Variants in ERI3 observed in about 807,000 individuals in gnomAD.
The protein encoded by ERI3 is ERI1 exoribonuclease family member 3.
ERI3 carries 18 observed loss-of-function variants against 44.4 expected under a neutral mutation model. That is an observed-to-expected ratio of 0.41 (90% CI 0.28 to 0.60). ERI3 has a LOEUF of 0.60. Ranked by LOEUF, ERI3 falls within the 20% of genes least tolerant of loss-of-function variation. The pLI is 0.36. For synonymous variants in ERI3, 183 were observed against 164.8 expected (o/e 1.11, Z -0.84); for missense variants, 294 against 435.5 (o/e 0.68, Z 2.89).
intron 6 of ERI3, among the ~76,000 whole-genome samples, chr1:44,305,383 A>G (rs776633164): frequency 6.6e-6 from 1 of 152,174 alleles, no homozygotes; most frequent in African/African-American, 2.4e-5. Flanking sequence ...ACAACACCAA[A>G]CCCTATGGGA....
chr1:44,311,194 A>G (rs1215530958), intron 5 of ERI3, among the ~76,000 whole-genome samples: 1 of 152,108 alleles, frequency 6.6e-6, no homozygotes, highest in Non-Finnish European at 1.5e-5. Context: ...TGAAAGAGAG[A>G]GCAAGACACA....
intron 3 of ERI3, among the ~76,000 whole-genome samples, chr1:44,330,589 T>C (rs569465479): frequency 6.6e-6 from 1 of 152,340 alleles, no homozygotes; most frequent in East Asian, 1.9e-4. Flanking sequence ...TATAAACGCT[T>C]TTCTGCCTGT....
intron 8 of ERI3, among the ~76,000 whole-genome samples, chr1:44,245,648 C>G (rs1229856539): frequency 2.0e-5 from 3 of 152,208 alleles, no homozygotes; most frequent in African/African-American, 7.2e-5. Flanking sequence ...ATAAAGAAAC[C>G]TTCTCTGAAA....
chr1:44,261,983 G>A (rs2154320170), intron 7 of ERI3, among the ~76,000 whole-genome samples: 1 of 152,306 alleles, frequency 6.6e-6, no homozygotes, highest in Non-Finnish European at 1.5e-5. Flanking sequence ...AGTAGAGGGA[G>A]GATCTGCTTG....
intron 8 of ERI3, among the ~76,000 whole-genome samples, chr1:44,231,713 C>T (rs1388117484): frequency 6.6e-6 from 1 of 152,182 alleles, no homozygotes; most frequent in African/African-American, 2.4e-5. Flanking sequence ...CCCACTACCC[C>T]TTCAAGTAAT....
Position 44,221,715 on chromosome 1 carries a change from G to C in ERI3, c.932-75C>G, listed in dbSNP as rs754753787. ...TGCCCACAGGTGCTCTTACAAGGGTGGGGGTGGGAAGCAGGGTCAGATTCA... is the reference window on the plus strand; with the variant it reads ...TGCCCACAGGTGCTCTTACAAGGGTCGGGGTGGGAAGCAGGGTCAGATTCA... On this transcript the variant is annotated intron_variant, in intron 8 of 8. Transcript: ENST00000372257. The surrounding 1 kb of genome is among the most constrained non-coding windows in gnomAD (Gnocchi z 5.9). The C allele has an allele frequency of 8.0e-6, 10 of 1,242,730 alleles. No homozygotes were observed. The highest frequency in any genetic ancestry group is 4.4e-5 in the African/African-American group (3 of 67,422). 77.0% of individuals were successfully genotyped at this position (1,242,730 alleles called of 1,614,324 possible).
At chr1:44,240,646 G>C (rs1644413335) in intron 8 of ERI3, among the ~76,000 whole-genome samples, 1 of 152,204 alleles carries the variant, frequency 6.6e-6, no homozygotes, top group Non-Finnish European at 1.5e-5. Context: ...AATTCAATGA[G>C]AGAACAGATA....
intron 4 of ERI3, among the ~76,000 whole-genome samples, chr1:44,318,433 G>A (rs964179145): frequency 6.6e-6 from 1 of 152,236 alleles, no homozygotes; most frequent in Non-Finnish European, 1.5e-5. Flanking sequence ...AGCGCCCCCT[G>A]GTGGTATAGG....
intron 7 of ERI3, among the ~76,000 whole-genome samples, chr1:44,280,819 G>C (rs1258920035): frequency 6.6e-6 from 1 of 152,166 alleles, no homozygotes; most frequent in Admixed American, 6.5e-5. Flanking sequence ...TCAAAGTGTG[G>C]TCTATAGGCT....
chr1:44,328,993 C>T (rs1470749882), intron 3 of ERI3, among the ~76,000 whole-genome samples: 4 of 152,206 alleles, frequency 2.6e-5, no homozygotes, highest in Admixed American at 6.5e-5. Flanking sequence ...TGTCAGGGAG[C>T]TAGCAAAAAG....
At position 44,314,153 on chromosome 1, in the gene ERI3, TG is replaced by T. The variant is rs5773825; in HGVS notation, c.607-926del. ...GAAACTTCTTTTTTTTAAAGTGTGT[TG>T]GGGGGGGGGAGATTAAACTCCAATT... is the stretch of plus-strand genomic sequence containing the variant. On this transcript the variant is annotated intron_variant, in intron 4 of 8. Transcript: ENST00000372257. Among the ~76,000 whole-genome samples, 455 of 148,188 alleles carry T rather than the reference TG, an allele frequency of 3.1e-3. 4 individuals carry two copies. Among genetic ancestry groups the T allele is most frequent in the African/African-American group, 7.8e-3 (316 of 40,452 alleles).
At chr1:44,352,405 CATAGATAGATAGATAGATAGATAG>C (rs71742610) in intron 2 of ERI3, among the ~76,000 whole-genome samples, 203 of 147,566 alleles carry the variant, frequency 1.4e-3, no homozygotes, top group African/African-American at 2.4e-3. Context: ...AGCAAGGTCT[CATAGATAGATAGATAGATAGATAG>C]ATAGATAGAT....
At chr1:44,243,552 G>A (rs1644489315) in intron 8 of ERI3, 1 of 152,234 alleles carries the variant, frequency 6.6e-6, no homozygotes, top group Non-Finnish European at 1.5e-5. Context: ...GGAGGGCCAG[G>A]CGAGACTCCC....
Position 44,303,201 on chromosome 1 carries a change from C to A in ERI3, c.758+5109G>T, listed in dbSNP as rs562543388. Among the ~76,000 whole-genome samples the A allele has an allele frequency of 3.2e-4, 48 of 152,342 alleles. 1 individual carries two copies. The South Asian group carries it at 7.9e-3, about 25-fold the overall frequency. On this transcript the variant is annotated intron_variant, in intron 6 of 8. Transcript: ENST00000372257. ...AGCCTGTGGGCTATCTCACCCAGTA[C>A]TCACCATGGAGGGCCCAACACACAG...
intron 7 of ERI3, among the ~76,000 whole-genome samples, chr1:44,272,023 C>T (rs1351872831): frequency 5.3e-5 from 8 of 152,166 alleles, no homozygotes; most frequent in Non-Finnish European, 1.2e-4. Context: ...CTGGATCTCC[C>T]GTCCCCCTGA....
intron 7 of ERI3, among the ~76,000 whole-genome samples, chr1:44,261,018 C>T (rs1644882102): frequency 6.6e-6 from 1 of 152,130 alleles, no homozygotes; most frequent in African/African-American, 2.4e-5. Flanking sequence ...ACTCCCTGAC[C>T]CCTGACATCC....
intron 5 of ERI3, among the ~76,000 whole-genome samples, chr1:44,309,019 T>G (rs923176890): frequency 1.1e-4 from 17 of 152,310 alleles, no homozygotes; most frequent in Admixed American, 2.6e-4. Context: ...ATTTCTCCTG[T>G]TCATGGTTGA....
chr1:44,237,877 C>G lies in ERI3; in HGVS notation c.931+10062G>C, dbSNP rs559527104. Among the ~76,000 whole-genome samples, 71 of 152,220 alleles carry G rather than the reference C, an allele frequency of 4.7e-4. 2 individuals are homozygous for G. In the South Asian group the frequency reaches 0.014, roughly 31 times the overall value. ...TGCATGCCCACGTGCCTGATCCCAC[C>G]CACGTGCCTGGCCTTGGCTCCCGGC... On this transcript the variant is annotated intron_variant, in intron 8 of 8. Transcript: ENST00000372257.
intron 3 of ERI3, among the ~76,000 whole-genome samples, chr1:44,324,385 C>G (rs1436217701): frequency 6.6e-6 from 1 of 151,938 alleles, no homozygotes; most frequent in Non-Finnish European, 1.5e-5. Context: ...GGTTTCCTCC[C>G]TGAACTACTA....
Sources: gnomAD v4.1 joint callset for allele counts (sites outside exome capture counted in the v4.1 genomes callset) on GRCh38, gnomAD v4.1.1 for gene constraint, Gnocchi (gnomAD v3.1) non-coding constraint, MANE v1.5 for transcripts, NCBI Gene and HGNC (gene_info 2026-07-23, HGNC 2026-07-21) for gene names.